Variants in ANO3 observed in about 807,000 individuals in gnomAD.
ANO3 encodes anoctamin-3.
ANO3 carries 99 observed loss-of-function variants against 144.8 expected under a neutral mutation model. The observed-to-expected ratio is 0.68, with a 90% CI of 0.58 to 0.81. ANO3 has a LOEUF of 0.81. Among genes scored for constraint, ANO3 ranks in the 30% least tolerant of loss-of-function variants. The probability of loss-of-function intolerance (pLI) is 0.00; values close to 1 mark genes in which losing one functional copy is unlikely to be tolerated. For missense variants in ANO3, 905 were observed against 1,202.2 expected, an observed-to-expected ratio of 0.75 and a Z score of 3.66; for synonymous variants, 414 against 392.6, an observed-to-expected ratio of 1.05 and a Z score of -0.64.
intron 9 of ANO3, among the ~76,000 whole-genome samples, chr11:26,535,509 C>T (rs934340213): frequency 2.0e-5 from 3 of 148,768 alleles, no homozygotes; most frequent in Non-Finnish European, 4.4e-5. Context: ...GTACCAATCT[C>T]TACTGATTTT....
At chr11:26,409,144 C>G (rs1009698407) in intron 1 of ANO3, among the ~76,000 whole-genome samples, 3 of 149,126 alleles carry the variant, frequency 2.0e-5, no homozygotes, top group Non-Finnish European at 4.5e-5. Context: ...AAAAAAAGAA[C>G]CAGCTTAGAT....
intron 1 of ANO3, among the ~76,000 whole-genome samples, chr11:26,196,231 C>T (rs184064440): frequency 3.9e-5 from 6 of 152,254 alleles, no homozygotes; most frequent in Admixed American, 1.3e-4. Flanking sequence ...ATCTGGGAGT[C>T]AGTCTAACCA....
At chr11:26,478,938 A>T (rs1235672250) in intron 4 of ANO3, among the ~76,000 whole-genome samples, 1 of 152,194 alleles carries the variant, frequency 6.6e-6, no homozygotes, top group African/African-American at 2.4e-5. Flanking sequence ...TTCCAGTTTT[A>T]TGTGTTGCCC....
chr11:26,314,971 T>C (rs186237205), intron 1 of ANO3, among the ~76,000 whole-genome samples: 4 of 152,180 alleles, frequency 2.6e-5, no homozygotes, highest in African/African-American at 9.6e-5. Context: ...TAGTTATGTG[T>C]AGTTGATAAG....
intron 4 of ANO3, among the ~76,000 whole-genome samples, chr11:26,471,060 A>G (rs1261423220): frequency 1.3e-5 from 2 of 151,974 alleles, no homozygotes; most frequent in Non-Finnish European, 2.9e-5. Context: ...CTTTATATAC[A>G]TTATCTAATT....
intron 3 of ANO3, among the ~76,000 whole-genome samples, chr11:26,462,585 CT>C (rs1175455131): frequency 6.6e-6 from 1 of 151,744 alleles, no homozygotes; most frequent in Non-Finnish European, 1.5e-5. Flanking sequence ...ATTTCTCAGA[CT>C]TTTTGCACCC....
At chr11:26,227,766 A>G (rs553278960) in intron 1 of ANO3, among the ~76,000 whole-genome samples, 3 of 152,298 alleles carry the variant, frequency 2.0e-5, no homozygotes, top group South Asian at 2.1e-4. Context: ...TTCTCAGCAT[A>G]GCAGTTCAGA....
chr11:26,377,700 T>C (rs1856454566), intron 1 of ANO3, among the ~76,000 whole-genome samples: 2 of 152,016 alleles, frequency 1.3e-5, no homozygotes, highest in South Asian at 4.1e-4. Context: ...AACACATAAA[T>C]GAAAACAAAC....
At position 26,326,582 on chromosome 11, in the gene ANO3, G is replaced by T. The variant is rs138502480; in HGVS notation, c.-3+16863G>T. ...CATTGTGTTGTTACTCTTATAACCG[G>T]CCTGGTCATGTTCAAATAGAGACCA... On this transcript the variant is annotated intron_variant, in intron 1 of 26. Transcript: ENST00000525139. Among the ~76,000 whole-genome samples, 132 of 152,142 alleles carry T rather than the reference G, an allele frequency of 8.7e-4. 1 individual carries two copies. Among genetic ancestry groups the T allele is most frequent in the African/African-American group, 3.0e-3 (126 of 41,500 alleles).
At chr11:26,328,063 A>G (rs1396276500), upstream of ANO3, among the ~76,000 whole-genome samples, 3 of 152,102 alleles carry the variant, frequency 2.0e-5, no homozygotes, top group Admixed American at 2.0e-4. Context: ...AATTTTTTTA[A>G]AATTCTGTTT....
chr11:26,414,618 A>C (rs1215025599), intron 1 of ANO3, among the ~76,000 whole-genome samples: 1 of 151,910 alleles, frequency 6.6e-6, no homozygotes, highest in Non-Finnish European at 1.5e-5. Flanking sequence ...GAGGGATAGC[A>C]TTAGGACAAA....
intron 1 of ANO3, among the ~76,000 whole-genome samples, chr11:26,200,895 C>A (rs950798291): frequency 6.6e-6 from 1 of 152,052 alleles, no homozygotes; most frequent in African/African-American, 2.4e-5. Flanking sequence ...ACCTCTGAAC[C>A]TTCCTTGATT....
intron 1 of ANO3, among the ~76,000 whole-genome samples, chr11:26,226,595 T>G (rs1384384721): frequency 1.3e-5 from 2 of 152,120 alleles, no homozygotes; most frequent in African/African-American, 4.8e-5. Flanking sequence ...TCTCCCCTAC[T>G]TAATACTGCA....
At chr11:26,216,999 C>G (rs1852047153) in intron 1 of ANO3, among the ~76,000 whole-genome samples, 1 of 151,946 alleles carries the variant, frequency 6.6e-6, no homozygotes, top group South Asian at 2.1e-4. Flanking sequence ...AAATATTTTT[C>G]TCCGAATCTG....
chr11:26,373,372 C>T (rs1005280719), intron 1 of ANO3, among the ~76,000 whole-genome samples: 25 of 152,258 alleles, frequency 1.6e-4, no homozygotes, highest in East Asian at 7.7e-4. Context: ...CTTCCTTCTT[C>T]GCTCTTCACA....
At chr11:26,562,341 T>G (rs1445277616) in intron 14 of ANO3, among the ~76,000 whole-genome samples, 1 of 151,930 alleles carries the variant, frequency 6.6e-6, no homozygotes, top group East Asian at 1.9e-4. Flanking sequence ...TCAAATTCAG[T>G]AAGACTTCAT....
chr11:26,415,631 T>C (rs1055879421), intron 1 of ANO3, among the ~76,000 whole-genome samples: 4 of 152,094 alleles, frequency 2.6e-5, no homozygotes, highest in African/African-American at 9.7e-5. Flanking sequence ...TTTTCCTTTT[T>C]AAAGAATAGG....
chr11:26,607,767 G>T (rs1851976448), intron 17 of ANO3, among the ~76,000 whole-genome samples: 1 of 152,300 alleles, frequency 6.6e-6, no homozygotes, highest in South Asian at 2.1e-4. Context: ...TTCTTGTGTT[G>T]TGTGTTTCAG....
intron 1 of ANO3, among the ~76,000 whole-genome samples, chr11:26,324,153 T>C (rs563672692): frequency 2.6e-5 from 4 of 152,298 alleles, no homozygotes; most frequent in African/African-American, 9.6e-5. Flanking sequence ...GCAATAGCAA[T>C]TGAGGTAAAT....
Sources: allele counts gnomAD v4.1 joint callset (sites outside exome capture counted in the v4.1 genomes callset), GRCh38; gene constraint gnomAD v4.1.1; transcripts MANE v1.5; gene names NCBI Gene and HGNC (gene_info 2026-07-23, HGNC 2026-07-21).